The following RFC3 variants were observed in gnomAD, a reference collection of about 807,000 sequenced individuals.
RFC3 encodes the protein A1 38 kDa subunit.
A neutral mutation model predicts 45.1 loss-of-function variants in RFC3; 41 were observed. That is an observed-to-expected ratio of 0.91 (90% CI 0.71 to 1.18). The LOEUF (loss-of-function observed/expected upper bound fraction) is 1.18, where lower values mean the gene tolerates loss of function less well. Among genes scored for constraint, RFC3 ranks in the 50% most tolerant of loss-of-function variants. The pLI, the probability that RFC3 is intolerant of heterozygous loss-of-function variation, is 0.00. For synonymous variants in RFC3, 149 were observed against 144.0 expected (o/e 1.03, Z -0.25); for missense variants, 423 against 428.1 (o/e 0.99, Z 0.10).
In RFC3 at chr13:33,831,811, T is replaced by C. The variant is rs77618945; in HGVS notation, c.809+457T>C. On this transcript the variant is annotated intron_variant, in intron 7 of 8. Transcript: ENST00000380071. ...AGCTAAGTGTTCTTGATCAGGTAAC[T>C]TCATTTTAGAGTTTTATCTTCATTT... 9.2e-3 allele frequency among the ~76,000 whole-genome samples: 1,406 copies of C among 152,294 alleles called. 28 individuals are homozygous for C. Among genetic ancestry groups the C allele is most frequent in the African/African-American group, 0.032 (1,334 of 41,550 alleles).
chr13:33,866,221 T>C (rs2082372810), intron 8 of RFC3, among the ~76,000 whole-genome samples: 1 of 152,214 alleles, frequency 6.6e-6, no homozygotes, highest in South Asian at 2.1e-4. Flanking sequence ...ATTGTTGAGG[T>C]GAGCACCTTT....
In RFC3 at chr13:33,964,292, AGAC is replaced by A. The variant is rs1306704837; in HGVS notation, c.880-1794_880-1792del. Among the ~76,000 whole-genome samples the A allele has an allele frequency of 3.9e-5, 6 of 152,236 alleles. No individual in the cohort carries two copies. The South Asian group carries it at 1.2e-3, about 32-fold the overall frequency. On this transcript the variant is annotated intron_variant, in intron 8 of 8. Coordinates refer to the RFC3 transcript ENST00000434425. ...ATAGAAAATGGGTATTCCAAAGCCT[AGAC>A]TTTTTAAAAGCAATTATCAATCATA...
At chr13:33,853,750 G>A in intron 8 of RFC3, among the ~76,000 whole-genome samples, 1 of 152,084 alleles carries the variant, frequency 6.6e-6, no homozygotes, top group East Asian at 1.9e-4. Context: ...ATGGTGTATG[G>A]AACCCAAGAG....
downstream of RFC3, among the ~76,000 whole-genome samples, chr13:33,840,087 G>A (rs574862327): frequency 5.4e-4 from 82 of 152,190 alleles, no homozygotes; most frequent in Middle Eastern, 0.01. Context: ...GTCTTGGTGC[G>A]ATTTGTGTGT....
At chr13:33,828,267 C>G (rs1177740728) in intron 4 of RFC3, among the ~76,000 whole-genome samples, 1 of 152,132 alleles carries the variant, frequency 6.6e-6, no homozygotes, top group Non-Finnish European at 1.5e-5. Flanking sequence ...TTTACCTGTT[C>G]TCAATTTGGT....
chr13:33,858,065 A>C (rs1297298265), intron 8 of RFC3, among the ~76,000 whole-genome samples: 1 of 152,214 alleles, frequency 6.6e-6, no homozygotes, highest in Non-Finnish European at 1.5e-5. Context: ...TCCTGAGGAT[A>C]ATTTCTATAT....
intron 8 of RFC3, among the ~76,000 whole-genome samples, chr13:33,933,272 A>G (rs1462817109): frequency 1.3e-5 from 2 of 152,080 alleles, no homozygotes; most frequent in Non-Finnish European, 2.9e-5. Context: ...ACACATAGAG[A>G]TCTGGGTGAA....
intron 8 of RFC3, among the ~76,000 whole-genome samples, chr13:33,939,888 T>C (rs2082912539): frequency 6.6e-6 from 1 of 152,186 alleles, no homozygotes; most frequent in African/African-American, 2.4e-5. Flanking sequence ...CTCTTGTCTT[T>C]TTAATATTTG....
chr13:33,932,668 C>T (rs1177247654), intron 8 of RFC3, among the ~76,000 whole-genome samples: 1 of 152,058 alleles, frequency 6.6e-6, no homozygotes, highest in Non-Finnish European at 1.5e-5. Context: ...AAAGCAAAAA[C>T]AGTAGGAAAA....
At chr13:33,856,345 G>A (rs1161786717) in intron 8 of RFC3, among the ~76,000 whole-genome samples, 1 of 152,088 alleles carries the variant, frequency 6.6e-6, no homozygotes, top group East Asian at 1.9e-4. Flanking sequence ...GAAGGTGGAG[G>A]GTGGGAGGAG....
At chr13:33,967,294 A>T (rs1434259629), downstream of RFC3, among the ~76,000 whole-genome samples, 1 of 152,166 alleles carries the variant, frequency 6.6e-6, no homozygotes, top group Non-Finnish European at 1.5e-5. Context: ...CCCAGTTAGT[A>T]TTTCCCATAC....
At chr13:33,862,870 C>A (rs2082349799) in intron 8 of RFC3, among the ~76,000 whole-genome samples, 1 of 152,126 alleles carries the variant, frequency 6.6e-6, no homozygotes, top group Non-Finnish European at 1.5e-5. Context: ...CTAAGGCCAT[C>A]TTACTTAGTC....
chr13:33,853,370 A>C (rs1385740206), intron 8 of RFC3, among the ~76,000 whole-genome samples: 1 of 152,000 alleles, frequency 6.6e-6, no homozygotes, highest in African/African-American at 2.4e-5. Context: ...TATTAGAAAG[A>C]AATTGCTATC....
intron 8 of RFC3, among the ~76,000 whole-genome samples, chr13:33,864,060 G>T (rs1267932575): frequency 6.6e-6 from 1 of 152,212 alleles, no homozygotes; most frequent in East Asian, 1.9e-4. Flanking sequence ...GTCTCAGGAA[G>T]CTTCCACTCA....
At chr13:33,831,209 TA>T (rs1566382585) in intron 6 of RFC3, 46 bp from the exon 7 acceptor site, 1 of 1,199,428 alleles carries the variant, frequency 8.3e-7, no homozygotes, top group South Asian at 1.2e-5. Flanking sequence ...TTTTAGGACA[TA>T]AGCACACTTC....
At position 33,835,268 on chromosome 13, in the gene RFC3, T is replaced by C. The variant is rs375140332; in HGVS notation, c.879+51T>C. 2.2e-5 allele frequency: 26 copies of C among 1,170,560 alleles called. No homozygotes were observed. The African/African-American group carries it at 3.8e-4, about 17-fold the overall frequency. 72.5% of individuals were successfully genotyped at this position (1,170,560 alleles called of 1,614,324 possible). On this transcript the variant is annotated intron_variant, in intron 8 of 8. Coordinates refer to ENST00000380071, the MANE Select transcript of RFC3 (RefSeq NM_002915.4). ...TTTTACAGCTATAAAATTTGGACGC[T>C]GGGTGTGTGATCATAGGGCTTTTTG...
intron 8 of RFC3, among the ~76,000 whole-genome samples, chr13:33,939,765 A>G (rs1025471555): frequency 3.9e-5 from 6 of 152,280 alleles, no homozygotes; most frequent in African/African-American, 1.2e-4. Flanking sequence ...CTCTGGGTAG[A>G]TAGTGTCAGA....
intron 8 of RFC3, among the ~76,000 whole-genome samples, chr13:33,916,496 C>A (rs1275833631): frequency 6.6e-6 from 1 of 152,106 alleles, no homozygotes. Context: ...GGGTAGAAAG[C>A]ATTCTGCATT....
At chr13:33,913,082 T>G (rs1218707121) in intron 8 of RFC3, among the ~76,000 whole-genome samples, 1 of 152,124 alleles carries the variant, frequency 6.6e-6, no homozygotes, top group African/African-American at 2.4e-5. Context: ...TTAGACCATT[T>G]GAATTTGAAA....
Sources: gnomAD v4.1 joint callset for allele counts (sites outside exome capture counted in the v4.1 genomes callset) on GRCh38, gnomAD v4.1.1 for gene constraint, MANE v1.5 for transcripts, NCBI Gene and HGNC (gene_info 2026-07-23, HGNC 2026-07-21) for gene names.